Variants in UPF3A observed in about 807,000 individuals in gnomAD.
UPF3A encodes UPF3A regulator of nonsense mediated mRNA decay, also known as regulator of nonsense transcripts 3A.
A neutral mutation model predicts 53.5 loss-of-function variants in UPF3A; 42 were observed. That is an observed-to-expected ratio of 0.78 (90% CI 0.61 to 1.01). The LOEUF is 1.01. Ranked by LOEUF, UPF3A falls within the 50% of genes least tolerant of loss-of-function variation. UPF3A has a pLI of 0.00. For missense variants in UPF3A, 575 were observed against 598.0 expected, an observed-to-expected ratio of 0.96 and a Z score of 0.40; for synonymous variants, 237 against 225.3, an observed-to-expected ratio of 1.05 and a Z score of -0.47.
intron 3 of UPF3A, chr13:114,285,606 T>C (rs185545064): frequency 3.3e-5 from 5 of 152,386 alleles, no homozygotes; most frequent in Admixed American, 2.6e-4. Context: ...CATTTGATGA[T>C]TCAGCATATA....
chr13:114,282,263 C>A (rs1040063615), intron 2 of UPF3A, 136 bp downstream of exon 2: 2 of 833,412 alleles, frequency 2.4e-6, no homozygotes, highest in African/African-American at 3.5e-5. Context: ...AAATACATTT[C>A]AGTAAAACGT....
intron 5 of UPF3A, chr13:114,287,179 TC>T (rs2084777006): frequency 6.5e-6 from 1 of 153,334 alleles, no homozygotes; most frequent in Non-Finnish European, 1.5e-5. Flanking sequence ...CCAACATACT[TC>T]CCAGTAGCAC....
chr13:114,299,116 G>A (rs2086343658), intron 8 of UPF3A, 116 bp downstream of exon 8: 1 of 1,101,832 alleles, frequency 9.1e-7, no homozygotes, highest in South Asian at 2.5e-5. Flanking sequence ...TTTCCAGGGT[G>A]TGCGAGTACA....
In UPF3A at chr13:114,281,631, G is replaced by A. The variant is rs565097968; in HGVS notation, c.-9G>A. 67 of 1,434,102 alleles carry A rather than the reference G, an allele frequency of 4.7e-5. No homozygotes were observed. In the East Asian group the frequency reaches 1.3e-3, roughly 28 times the overall value. 88.8% of individuals were successfully genotyped at this position (1,434,102 alleles called of 1,614,324 possible). A position where few individuals can be genotyped will look rare whatever the true frequency, so the allele number is the denominator to read the frequency against. On this transcript the variant is annotated 5_prime_UTR_variant, in exon 1 of 10. Transcript: ENST00000375299. ...GGGCTGGCGGCTGCGGCTCGGCGGA[G>A]AGTGCGGCATGCGCTCGGAAAAGGA...
intron 7 of UPF3A, among the ~76,000 whole-genome samples, chr13:114,295,855 G>A (rs2085932749): frequency 6.6e-6 from 1 of 152,134 alleles, no homozygotes; most frequent in African/African-American, 2.4e-5. Flanking sequence ...TCAGACCTCG[G>A]GAATCTGCAG....
At chr13:114,290,926 G>A (rs1399221192) in intron 5 of UPF3A, among the ~76,000 whole-genome samples, 3 of 151,610 alleles carry the variant, frequency 2.0e-5, no homozygotes, top group African/African-American at 7.3e-5. Context: ...GTAGAGACGG[G>A]GTTTCCTTAG....
In UPF3A at chr13:114,291,806, A is replaced by G. The variant is rs772975177; in HGVS notation, c.846+14A>G. On this transcript the variant is annotated intron_variant, in intron 7 of 9. Transcript: ENST00000375299. ...GTAAGGATTAAGGTAATTCTGAGGA[A>G]ACATTTCCTTTTTCCAAAAATAGCT... 1 of 1,568,684 alleles carries G rather than the reference A, an allele frequency of 6.4e-7. No homozygotes were observed. Among genetic ancestry groups the G allele is most frequent in the Non-Finnish European group, 8.6e-7 (1 of 1,161,498 alleles).
chr13:114,292,715 A>G (rs1052430682), intron 7 of UPF3A, among the ~76,000 whole-genome samples: 4 of 152,116 alleles, frequency 2.6e-5, no homozygotes, highest in Admixed American at 2.0e-4. Context: ...TTTGGTGTGC[A>G]GATAATTTTG....
At chr13:114,304,108 G>A (rs535435975) in intron 9 of UPF3A, among the ~76,000 whole-genome samples, 4 of 152,338 alleles carry the variant, frequency 2.6e-5, no homozygotes, top group East Asian at 1.9e-4. Flanking sequence ...AGCGGGAGGC[G>A]CGTGGAGCAG....
rs1357487610 is a variant in UPF3A, at chr13:114,298,902, G to C, written c.909G>C (p.Glu303Asp). Residue 303 changes from glutamate (E) to aspartate (D), a missense_variant, in exon 8 of 10, where the codon GAG becomes GAC. By Grantham distance (45) the Glu-to-Asp change is conservative. Around this residue, in one of 2 missense-constraint regions of UPF3A, gnomAD observed 323 missense variants for 415.2 expected, o/e 0.78. Coordinates refer to ENST00000375299, the MANE Select transcript of UPF3A (RefSeq NM_023011.4). ...PTTEKPKERG[E>D]EIDTGGGKQE... is the part of the protein sequence containing the mutation. The stretch of plus-strand genomic sequence containing the variant: ...CAGAGAAACCAAAAGAAAGAGGAGA[G>C]GAGATTGATACTGGAGGTGGCAAGC... 1.2e-6 allele frequency: 2 copies of C among 1,605,550 alleles called. No homozygotes were observed. The highest frequency in any genetic ancestry group is 2.7e-5 in the African/African-American group (2 of 74,370).
chr13:114,286,510 A>G lies in UPF3A; in HGVS notation c.521-9A>G. On this transcript the variant is annotated splice_polypyrimidine_tract_variant and intron_variant, in intron 4 of 9. Transcript: ENST00000375299. Reference sequence around the variant, plus strand: ...TATATTTATTTTCTTCCTACTTTTTAATGTCTAGATCCAGAATATAAGAAG... The same window carrying G: ...TATATTTATTTTCTTCCTACTTTTTGATGTCTAGATCCAGAATATAAGAAG... 1.9e-6 allele frequency: 3 copies of G among 1,610,512 alleles called. No individual in the cohort carries two copies. Among genetic ancestry groups the G allele is most frequent in the Non-Finnish European group, 2.5e-6 (3 of 1,178,738 alleles).
intron 7 of UPF3A, among the ~76,000 whole-genome samples, chr13:114,293,436 T>A (rs2085514889): frequency 6.6e-6 from 1 of 152,200 alleles, no homozygotes; most frequent in South Asian, 2.1e-4. Flanking sequence ...AACCACTGGT[T>A]TTGCCTTTCT....
intron 5 of UPF3A, 26 bp from the exon 6 acceptor site, chr13:114,291,463 A>T (rs759089026): frequency 6.4e-7 from 1 of 1,564,706 alleles, no homozygotes; most frequent in South Asian, 1.2e-5. Flanking sequence ...GGAGTTAAAT[A>T]CAATATTACA....
At chr13:114,296,334 ATCGCGTCACTGC>A (rs2086015978) in intron 7 of UPF3A, among the ~76,000 whole-genome samples, 1 of 152,194 alleles carries the variant, frequency 6.6e-6, no homozygotes, top group African/African-American at 2.4e-5. Flanking sequence ...GTGAGCCGAG[ATCGCGTCACTGC>A]AGTCTAGCTT....
rs368070534 is a variant in UPF3A, at chr13:114,301,692, G to A, written c.1008-39G>A. The A allele has an allele frequency of 8.3e-5, 132 of 1,580,970 alleles. 1 individual carries two copies. The African/African-American group carries it at 1.5e-3, about 18-fold the overall frequency. On this transcript the variant is annotated intron_variant, in intron 8 of 9. Transcript: ENST00000375299. ...AAAGGAGGGTGGGCAGCCAACCGGC[G>A]GTTTACTGCAGTTGCTGATCATTTG...
intron 7 of UPF3A, among the ~76,000 whole-genome samples, chr13:114,293,299 A>G (rs968518677): frequency 3.4e-4 from 46 of 135,494 alleles, no homozygotes; most frequent in South Asian, 7.4e-4. Flanking sequence ...CAGGAGAATC[A>G]CTTGAACCCA....
At chr13:114,292,349 G>C (rs111853778) in intron 7 of UPF3A, among the ~76,000 whole-genome samples, 212 of 150,236 alleles carry the variant, frequency 1.4e-3, no homozygotes, top group Non-Finnish European at 2.4e-3. Context: ...TTCATTTTCG[G>C]CTCAAGGCGT....
intron 7 of UPF3A, among the ~76,000 whole-genome samples, chr13:114,298,259 G>C (rs906388536): frequency 2.6e-5 from 4 of 151,966 alleles, no homozygotes; most frequent in African/African-American, 9.7e-5. Context: ...TGTAATCCCA[G>C]CTACTTGGGA....
At chr13:114,295,859 T>C (rs1391844935) in intron 7 of UPF3A, among the ~76,000 whole-genome samples, 6 of 152,086 alleles carry the variant, frequency 3.9e-5, no homozygotes, top group Non-Finnish European at 8.8e-5. Flanking sequence ...ACCTCGGGAA[T>C]CTGCAGTAAT....
Sources: gnomAD v4.1 joint callset for allele counts (sites outside exome capture counted in the v4.1 genomes callset) on GRCh38, gnomAD v4.1.1 for gene constraint, gnomAD v4.1.1 regional missense constraint, MANE v1.5 for transcripts, NCBI Gene and HGNC (gene_info 2026-07-23, HGNC 2026-07-21) for gene names.